Variants in RBPMS2 observed in about 807,000 individuals in gnomAD.
RBPMS2 encodes RNA-binding protein with multiple splicing 2.
Under a neutral mutation model 25.7 loss-of-function variants are expected in RBPMS2, and 14 were observed. The observed-to-expected ratio is 0.55, with a 90% CI of 0.36 to 0.85. The LOEUF is 0.85. Ranked by LOEUF, RBPMS2 falls within the 40% of genes least tolerant of loss-of-function variation. The pLI is 0.01. For missense variants in RBPMS2, 252 were observed against 283.4 expected (o/e 0.89, Z 0.80); for synonymous variants, 127 against 115.6 (o/e 1.10, Z -0.63).
intron 6 of RBPMS2, among the ~76,000 whole-genome samples, chr15:64,746,118 T>G (rs2141056279): frequency 6.6e-6 from 1 of 152,274 alleles, no homozygotes; most frequent in South Asian, 2.1e-4. Context: ...ATGTTCTTAG[T>G]CGGGAAACAG....
At chr15:64,771,383 G>T (rs891818419) in intron 1 of RBPMS2, among the ~76,000 whole-genome samples, 1 of 152,150 alleles carries the variant, frequency 6.6e-6, no homozygotes, top group African/African-American at 2.4e-5. Flanking sequence ...TATAAAATTT[G>T]TATATAACCT....
At chr15:64,774,722 G>A (rs974902397) in intron 1 of RBPMS2, among the ~76,000 whole-genome samples, 4 of 49,220 alleles carry the variant, frequency 8.1e-5, no homozygotes, top group African/African-American at 2.3e-4. Context: ...ACAGCTCGCA[G>A]GAACCGAGGA....
chr15:64,744,800 T>G (rs1349215040), intron 6 of RBPMS2, among the ~76,000 whole-genome samples: 9 of 7,848 alleles, frequency 1.1e-3, no homozygotes, highest in Admixed American at 4.5e-3. Flanking sequence ...TTTGTTTTGT[T>G]TTTTTTTTTT....
intron 1 of RBPMS2, among the ~76,000 whole-genome samples, chr15:64,771,785 T>A (rs1031741158): frequency 3.3e-5 from 5 of 150,818 alleles, no homozygotes; most frequent in African/African-American, 9.8e-5. Context: ...CATGGTGAAA[T>A]CCTGTCTCTA....
rs370859812 is a variant in RBPMS2 at position 64,751,576 on chromosome 15, G to A, written c.150C>T (p.Leu50=). ...VDIKPRELYL[L]FRPFKGYEGS... ...CCTGACTCACCTTGAACGGCCGGAA[G>A]AGCAAGTAGAGTTCTCTGGGTTTAA... Residue 50 remains leucine, a synonymous_variant, in exon 2 of 8, where the codon CTC becomes CTT. Transcript: ENST00000300069. 2.1e-5 allele frequency: 34 copies of A among 1,613,898 alleles called. No individual in the cohort carries two copies. Among genetic ancestry groups the A allele is most frequent in the Non-Finnish European group, 2.8e-5 (33 of 1,179,984 alleles).
intron 1 of RBPMS2, among the ~76,000 whole-genome samples, chr15:64,766,484 G>T (rs1174754543): frequency 1.3e-5 from 2 of 151,906 alleles, no homozygotes; most frequent in Non-Finnish European, 2.9e-5. Flanking sequence ...ACGGGTTCTG[G>T]CATATGAAGC....
chr15:64,749,732 G>C (rs1276635343), intron 3 of RBPMS2, among the ~76,000 whole-genome samples: 1 of 152,172 alleles, frequency 6.6e-6, no homozygotes, highest in Non-Finnish European at 1.5e-5. Context: ...TGTGGGAAAT[G>C]ATGCCAACAG....
intron 1 of RBPMS2, among the ~76,000 whole-genome samples, chr15:64,768,175 A>C (rs2083862802): frequency 6.6e-6 from 1 of 152,224 alleles, no homozygotes; most frequent in African/African-American, 2.4e-5. Flanking sequence ...AGTCACGCCC[A>C]GGTACAGGAA....
Position 64,748,458 on chromosome 15 carries a change from G to T in RBPMS2, c.528C>A (p.Tyr176Ter). 1 of 1,614,134 alleles carries T rather than the reference G, an allele frequency of 6.2e-7. No individual in the cohort carries two copies. Among genetic ancestry groups the T allele is most frequent in the East Asian group, 2.2e-5 (1 of 44,882 alleles). Residue 176 changes from tyrosine to a stop codon, truncating the protein, a stop_gained, in exon 6 of 8, where the codon TAC becomes TAA. Coordinates refer to ENST00000300069, the MANE Select transcript of RBPMS2 (RefSeq NM_194272.3). LOFTEE classifies it high-confidence loss of function. ...CGGCGGCAGCGGCAGTGGCAGTTGGGTAGGTGAACGCAGCATGGGAGATGG... is the reference window on the plus strand; with the variant it reads ...CGGCGGCAGCGGCAGTGGCAGTTGGTTAGGTGAACGCAGCATGGGAGATGG... ...TPAISHAAFT[Y>*]PTATAAAAAL... is the part of the protein sequence containing the mutation.
At chr15:64,753,625 C>A (rs1315126904) in intron 1 of RBPMS2, among the ~76,000 whole-genome samples, 1 of 152,148 alleles carries the variant, frequency 6.6e-6, no homozygotes, top group Non-Finnish European at 1.5e-5. Context: ...TGAAGACAAA[C>A]CTCACGTGAG....
intron 1 of RBPMS2, among the ~76,000 whole-genome samples, chr15:64,772,344 G>A (rs2083898523): frequency 6.6e-6 from 1 of 152,176 alleles, no homozygotes; most frequent in Admixed American, 6.6e-5. Flanking sequence ...GTCGTCCCCA[G>A]CTCCAGTCAA....
rs566791368 is a variant in RBPMS2 at position 64,741,325 on chromosome 15, C to T, written c.568-83G>A. 1.6e-5 allele frequency: 17 copies of T among 1,054,342 alleles called. No homozygotes were observed. In the East Asian group the frequency reaches 3.6e-4, roughly 22 times the overall value. The allele number at this position is 1,054,342 out of a possible 1,614,324, so 65.3% of individuals were successfully genotyped here. A position where few individuals can be genotyped will look rare whatever the true frequency, so the allele number is the denominator to read the frequency against. On this transcript the variant is annotated intron_variant, in intron 6 of 7. Coordinates refer to ENST00000300069, the MANE Select transcript of RBPMS2 (RefSeq NM_194272.3). The stretch of plus-strand genomic sequence containing the variant: ...CAGGTAACCATGGCCATCGGTGTCC[C>T]CGCTGGAGTCCTGGTTCTGTCACTG...
At chr15:64,761,065 C>T (rs549848487) in intron 1 of RBPMS2, 1 of 152,072 alleles carries the variant, frequency 6.6e-6, no homozygotes, top group Admixed American at 6.5e-5. Flanking sequence ...TTGCAGCAAC[C>T]CTTTAGCATC....
In RBPMS2 at chr15:64,769,553, T is replaced by G. The variant is rs192322569; in HGVS notation, c.87+5680A>C. The stretch of plus-strand genomic sequence containing the variant: ...CGGGCGCCTGTAGTCCCAGCTACTC[T>G]GGAGGCTGAGGCAGGAGAATGGCGT... On this transcript the variant is annotated intron_variant, in intron 1 of 7. Coordinates refer to ENST00000300069, the MANE Select transcript of RBPMS2 (RefSeq NM_194272.3). Among the ~76,000 whole-genome samples, 907 of 136,456 alleles carry G rather than the reference T, an allele frequency of 6.6e-3. 12 individuals are homozygous for G. The highest frequency in any genetic ancestry group is 0.024 in the African/African-American group (870 of 35,818). The allele number at this position is 136,456 out of a possible 152,430, so 89.5% of individuals were successfully genotyped here.
intron 1 of RBPMS2, among the ~76,000 whole-genome samples, chr15:64,771,640 C>G (rs1199928509): frequency 6.6e-6 from 1 of 151,622 alleles, no homozygotes; most frequent in Admixed American, 6.6e-5. Flanking sequence ...CACTGCACCC[C>G]AATCTGGGCA....
intron 6 of RBPMS2, among the ~76,000 whole-genome samples, chr15:64,743,025 C>T (rs745330012): frequency 6.6e-5 from 10 of 152,224 alleles, no homozygotes; most frequent in African/African-American, 1.9e-4. Flanking sequence ...GAGGGACACA[C>T]GAGGAAACGA....
At chr15:64,750,209 C>T (rs2083662446) in intron 3 of RBPMS2, 134 bp downstream of exon 3, 1 of 824,452 alleles carries the variant, frequency 1.2e-6, no homozygotes, top group African/African-American at 1.7e-5. Context: ...GCTGCTCTGT[C>T]AGAAACAGGA....
Position 64,775,248 on chromosome 15 carries a change from G to A in RBPMS2, c.72C>T (p.Gly24=). ...ACAGACCCACCTCCTCCTCCAGGGC[G>A]CCGCCGGAGCCCGCGCCGGAGCCGG... ...TGTGSGAGSG[G]ALEEEVRTLF... Residue 24 remains glycine, a synonymous_variant, in exon 1 of 8, where the codon GGC becomes GGT. Transcript: ENST00000300069. 2 of 1,318,206 alleles carry A rather than the reference G, an allele frequency of 1.5e-6. No individual in the cohort carries two copies. Among genetic ancestry groups the A allele is most frequent in the Middle Eastern group, 2.7e-4 (1 of 3,718 alleles). 81.7% of individuals were successfully genotyped at this position (1,318,206 alleles called of 1,614,324 possible).
intron 1 of RBPMS2, among the ~76,000 whole-genome samples, chr15:64,758,490 G>A (rs147119226): frequency 6.6e-6 from 1 of 152,346 alleles, no homozygotes; most frequent in East Asian, 1.9e-4. Context: ...GGAACCTGCT[G>A]CAAGCACCAA....
Sources: allele counts gnomAD v4.1 joint callset (sites outside exome capture counted in the v4.1 genomes callset), GRCh38; gene constraint gnomAD v4.1.1; transcripts MANE v1.5; gene names NCBI Gene and HGNC (gene_info 2026-07-23, HGNC 2026-07-21).